DCX: variants seen among roughly 807,000 people sequenced by gnomAD.
The protein encoded by DCX is doublecortin.
A neutral mutation model predicts 20.9 loss-of-function variants in DCX; 4 were observed. The ratio of observed to expected loss-of-function variants is 0.19; its 90% CI spans 0.09 to 0.44. DCX has a LOEUF of 0.44. Ranked by LOEUF, DCX falls within the 20% of genes least tolerant of loss-of-function variation. DCX has a pLI of 0.99. For synonymous variants in DCX, 103 were observed against 111.4 expected (o/e 0.92, Z 0.47); for missense variants, 133 against 296.9 (o/e 0.45, Z 4.06).
intron 3 of DCX, among the ~76,000 whole-genome samples, chrX:111,375,975 G>A: frequency 8.9e-6 from 1 of 112,029 alleles, no homozygotes. Flanking sequence ...CAGCTATTGA[G>A]AGAAACAAGC....
chrX:111,386,197 A>G (rs1926500951), intron 3 of DCX, among the ~76,000 whole-genome samples: 1 of 110,630 alleles, frequency 9.0e-6, no homozygotes, highest in African/African-American at 3.3e-5. Flanking sequence ...GCTTGGCAAG[A>G]TGGGAAGGAG....
At position 111,330,948 on chromosome X, in the gene DCX, A is replaced by G. The variant is rs1921162855; in HGVS notation, c.902T>C (p.Met301Thr). Residue 301 changes from methionine to threonine, a missense_variant, in exon 5 of 7, where the codon ATG becomes ACG. Transcript: ENST00000636035. ...GTCAGCTGGAGACTTGCTTCGGCGC[A>G]TAGGACCAGGGCTCTTGGCTGAAGT... ...QKTSAKSPGP[M>T]RRSKSPADSG... The G allele has an allele frequency of 1.6e-6, 2 of 1,212,132 alleles. No individual in the cohort carries two copies. Among genetic ancestry groups the G allele is most frequent in the Middle Eastern group, 2.3e-4 (1 of 4,353 alleles).
chrX:111,386,445 GT>G (rs1926523308), intron 3 of DCX, among the ~76,000 whole-genome samples: 2 of 110,995 alleles, frequency 1.8e-5, no homozygotes, highest in Admixed American at 1.9e-4. Context: ...CCATGAGAGT[GT>G]CCCCTCTAAA....
intron 2 of DCX, among the ~76,000 whole-genome samples, chrX:111,405,920 G>A (rs1043231382): frequency 5.4e-5 from 6 of 111,439 alleles, no homozygotes; most frequent in Non-Finnish European, 1.1e-4. Context: ...CCGTAGACAA[G>A]AGGCACTAGA....
Position 111,378,931 on chromosome X carries a change from C to CCCTTCTG in DCX, c.705+22052_705+22058dup, listed in dbSNP as rs747987138. ...CTTCACATAGCATTAGGCTCTCTTG[C>CCCTTCTG]CCTTCTGCCTTCTGCCATGTGAGGA... On this transcript the variant is annotated intron_variant, in intron 3 of 6. Coordinates refer to ENST00000636035, the MANE Select transcript of DCX (RefSeq NM_001195553.2). Among the ~76,000 whole-genome samples, 4 of 111,942 alleles carry CCCTTCTG rather than the reference C, an allele frequency of 3.6e-5. No individual in the cohort carries two copies. In the East Asian group the frequency reaches 1.1e-3, roughly 32 times the overall value.
intron 3 of DCX, among the ~76,000 whole-genome samples, chrX:111,399,359 C>A (rs1927591159): frequency 9.0e-6 from 1 of 111,356 alleles, no homozygotes; most frequent in Admixed American, 9.6e-5. Flanking sequence ...AGGTTCAGGA[C>A]AGTTAAGTGG....
chrX:111,393,392 G>A (rs1927094276), intron 3 of DCX, among the ~76,000 whole-genome samples: 1 of 111,632 alleles, frequency 9.0e-6, no homozygotes, highest in African/African-American at 3.2e-5. Context: ...GAACACATGG[G>A]AGAAAATTTT....
At position 111,411,108 on chromosome X, in the gene DCX, C is replaced by T. The variant is rs1928680103; in HGVS notation, c.-22-688G>A. 6 of 531,587 alleles carry T rather than the reference C, an allele frequency of 1.1e-5. No homozygotes were observed. The Admixed American group carries it at 1.3e-4, about 11-fold the overall frequency. The allele number at this position is 531,587 out of a possible 1,213,427, so 43.8% of individuals were successfully genotyped here. A position where few individuals can be genotyped will look rare whatever the true frequency, so the allele number is the denominator to read the frequency against. ...TGCTATTCATCAAACCCTTTCCCCA[C>T]CAAGCTGGTGCAGCTATCCGACATT... On this transcript the variant is annotated intron_variant, in intron 1 of 6. Transcript: ENST00000636035.
intron 2 of DCX, among the ~76,000 whole-genome samples, chrX:111,408,691 A>AAAGAAAGAAAGAAAGAAAGG (rs1268843561): frequency 1.9e-5 from 2 of 103,255 alleles, no homozygotes; most frequent in Non-Finnish European, 4.0e-5. Context: ...AGAAAGAAAG[A>AAAGAAAGAAAGAAAGAAAGG]AAGGAAGGAA....
At chrX:111,400,706 T>C (rs1927703952) in intron 3 of DCX, among the ~76,000 whole-genome samples, 1 of 112,437 alleles carries the variant, frequency 8.9e-6, no homozygotes, top group Non-Finnish European at 1.9e-5. Flanking sequence ...TAAGAATTCA[T>C]AGAACCTAGG....
chrX:111,400,844 C>A, intron 3 of DCX, 146 bp downstream of exon 3: 1 of 556,823 alleles, frequency 1.8e-6, no homozygotes, highest in South Asian at 3.2e-5. Context: ...CTAAAAATAC[C>A]TTTTCTCCAA....
chrX:111,368,251 G>A (rs1924784366), intron 3 of DCX, among the ~76,000 whole-genome samples: 1 of 111,731 alleles, frequency 9.0e-6, no homozygotes, highest in Admixed American at 9.5e-5. Context: ...TCCCTCTGTG[G>A]TTTTAAAGCC....
intron 2 of DCX, among the ~76,000 whole-genome samples, chrX:111,403,452 A>G (rs1927966996): frequency 1.8e-5 from 2 of 111,480 alleles, no homozygotes; most frequent in Non-Finnish European, 3.8e-5. Context: ...ATGATGACTG[A>G]CAGCTATAGT....
chrX:111,330,327 T>A (rs1427151462), intron 5 of DCX, among the ~76,000 whole-genome samples: 1 of 112,495 alleles, frequency 8.9e-6, no homozygotes. Context: ...CTAAATAGAA[T>A]CTTCTATGGC....
intron 3 of DCX, among the ~76,000 whole-genome samples, chrX:111,380,723 T>G (rs1925901101): frequency 9.0e-6 from 1 of 111,140 alleles, no homozygotes; most frequent in Non-Finnish European, 1.9e-5. Context: ...GGAATTTCAT[T>G]GAATCAGTAG....
At position 111,316,208 on chromosome X, in the gene DCX, T is replaced by C. The variant is rs777425368; in HGVS notation, c.947-3472A>G. Among the ~76,000 whole-genome samples the C allele has an allele frequency of 5.5e-3, 610 of 109,949 alleles. 8 individuals carry two copies. Among genetic ancestry groups the C allele is most frequent in the African/African-American group, 0.019 (587 of 30,228 alleles). On this transcript the variant is annotated intron_variant, in intron 5 of 6. Transcript: ENST00000636035. ...TGAAAACCAGCACAAGACAAGGATGTCCTCTCTCACCACTCCCTTTTTTGT... is the reference window on the plus strand; with the variant it reads ...TGAAAACCAGCACAAGACAAGGATGCCCTCTCTCACCACTCCCTTTTTTGT...
At chrX:111,400,862 C>A (rs1353557887) in intron 3 of DCX, 128 bp downstream of exon 3, 10 of 623,617 alleles carry the variant, frequency 1.6e-5, no homozygotes, top group Non-Finnish European at 2.3e-5. Context: ...CAAATGAAAC[C>A]TATAATATCA....
At chrX:111,397,757 ATGTG>A (rs1195067945) in intron 3 of DCX, among the ~76,000 whole-genome samples, 1 of 109,295 alleles carries the variant, frequency 9.1e-6, no homozygotes, top group Non-Finnish European at 1.9e-5. Context: ...CACTCTGTGC[ATGTG>A]TGTGTGTGTA....
At chrX:111,401,759 C>T (rs766610402) in intron 2 of DCX, among the ~76,000 whole-genome samples, 59 of 108,359 alleles carry the variant, frequency 5.4e-4, no homozygotes, top group African/African-American at 2.0e-3. Context: ...AAGTCCCATC[C>T]CTTTGTGATA....
Sources: allele counts gnomAD v4.1 joint callset (sites outside exome capture counted in the v4.1 genomes callset), GRCh38; gene constraint gnomAD v4.1.1; transcripts MANE v1.5; gene names NCBI Gene and HGNC (gene_info 2026-07-23, HGNC 2026-07-21).